RIT2: variants seen among roughly 807,000 people sequenced by gnomAD.
The protein encoded by RIT2 is Ras like without CAAX 2, also known as GTP-binding protein Rit2.
A neutral mutation model predicts 23.7 loss-of-function variants in RIT2; 24 were observed. The ratio of observed to expected loss-of-function variants is 1.01; its 90% CI spans 0.73 to 1.43. The LOEUF (loss-of-function observed/expected upper bound fraction) is 1.43, where lower values mean the gene tolerates loss of function less well. Among genes scored for constraint, RIT2 ranks in the 40% most tolerant of loss-of-function variants. RIT2 has a pLI of 0.00. For synonymous variants in RIT2, 107 were observed against 91.1 expected (o/e 1.17, Z -0.99); for missense variants, 236 against 266.9 (o/e 0.88, Z 0.81).
intron 3 of RIT2, among the ~76,000 whole-genome samples, chr18:42,928,794 A>T (rs1909248446): frequency 6.6e-6 from 1 of 151,808 alleles, no homozygotes; most frequent in South Asian, 2.1e-4. Flanking sequence ...ATGAGGTCAA[A>T]GATTATGCCT....
intron 1 of RIT2, among the ~76,000 whole-genome samples, chr18:43,094,433 A>G (rs1005453526): frequency 1.2e-4 from 18 of 152,048 alleles, no homozygotes; most frequent in African/African-American, 4.3e-4. Context: ...TGATAGCATC[A>G]TGGATTGTTA....
intron 1 of RIT2, among the ~76,000 whole-genome samples, chr18:43,087,543 G>A (rs1913315442): frequency 6.6e-6 from 1 of 152,218 alleles, no homozygotes; most frequent in African/African-American, 2.4e-5. Flanking sequence ...TTACCAAAAA[G>A]TGACAGTGTG....
chr18:42,808,731 G>A, intron 4 of RIT2, among the ~76,000 whole-genome samples: 1 of 151,970 alleles, frequency 6.6e-6, no homozygotes, highest in Non-Finnish European at 1.5e-5. Flanking sequence ...AAAAATGGTA[G>A]GACATGTAAT....
intron 2 of RIT2, among the ~76,000 whole-genome samples, chr18:43,032,925 A>T (rs543685598): frequency 6.6e-6 from 1 of 152,228 alleles, no homozygotes; most frequent in African/African-American, 2.4e-5. Flanking sequence ...AGATGATCTT[A>T]CCCATGGGTG....
chr18:42,845,828 A>G (rs1187830099), intron 4 of RIT2, among the ~76,000 whole-genome samples: 1 of 151,834 alleles, frequency 6.6e-6, no homozygotes, highest in Non-Finnish European at 1.5e-5. Flanking sequence ...AATCACAATT[A>G]AACTTAAAAA....
intron 4 of RIT2, among the ~76,000 whole-genome samples, chr18:42,906,146 T>C (rs965262022): frequency 6.6e-6 from 1 of 151,648 alleles, no homozygotes; most frequent in Non-Finnish European, 1.5e-5. Flanking sequence ...CAATTTTAAA[T>C]AGGCAGGGGA....
chr18:42,810,313 T>C (rs1344889691), intron 4 of RIT2, among the ~76,000 whole-genome samples: 1 of 151,780 alleles, frequency 6.6e-6, no homozygotes, highest in African/African-American at 2.4e-5. Flanking sequence ...GCCTTTATAG[T>C]ACAACTCCTC....
intron 2 of RIT2, among the ~76,000 whole-genome samples, chr18:43,019,810 T>C (rs1911555017): frequency 6.6e-6 from 1 of 152,016 alleles, no homozygotes; most frequent in Non-Finnish European, 1.5e-5. Context: ...TAGAATACAC[T>C]TAGATCTGAT....
At position 42,974,590 on chromosome 18, in the gene RIT2, A is replaced by G. The variant is rs1910437529; in HGVS notation, c.161-443T>C. 1.3e-5 allele frequency among the ~76,000 whole-genome samples: 2 copies of G among 152,058 alleles called. 1 individual carries two copies. The highest frequency in any genetic ancestry group is 2.9e-5 in the Non-Finnish European group (2 of 67,986). ...TCATAGCCAGAACAATTAGGCAAGA[A>G]GAAAAAATAAAATCATCCCAATTGG... On this transcript the variant is annotated intron_variant, in intron 2 of 4. Coordinates refer to ENST00000326695, the MANE Select transcript of RIT2 (RefSeq NM_002930.4).
chr18:42,905,752 C>T (rs553397762), intron 4 of RIT2, among the ~76,000 whole-genome samples: 118 of 151,720 alleles, frequency 7.8e-4, no homozygotes, highest in African/African-American at 2.5e-3. Context: ...GGATTACAGG[C>T]GTGAGCCACC....
chr18:42,856,804 G>A (rs1260071183), intron 4 of RIT2, among the ~76,000 whole-genome samples: 2 of 146,268 alleles, frequency 1.4e-5, no homozygotes, highest in African/African-American at 5.2e-5. Flanking sequence ...TCCTTGAGAA[G>A]TCTTTTTCTT....
intron 4 of RIT2, among the ~76,000 whole-genome samples, chr18:42,838,336 C>CA (rs5824454): frequency 0.14 from 21,956 of 152,036 alleles, 1,655 homozygotes; most frequent in Middle Eastern, 0.26. Flanking sequence ...CTTTATTCTG[C>CA]ATATCATTTT....
chr18:43,102,723 G>A (rs1405565506), intron 1 of RIT2, among the ~76,000 whole-genome samples: 4 of 151,508 alleles, frequency 2.6e-5, no homozygotes, highest in East Asian at 1.9e-4. Context: ...GCATGATCTC[G>A]GCTCACTGCA....
chr18:42,949,830 A>T (rs1174084182), intron 3 of RIT2, among the ~76,000 whole-genome samples: 3 of 152,114 alleles, frequency 2.0e-5, no homozygotes, highest in Non-Finnish European at 4.4e-5. Context: ...CTGAATCTTT[A>T]CCCCAATTGA....
chr18:42,870,725 G>T (rs1427244725), intron 4 of RIT2, among the ~76,000 whole-genome samples: 6 of 151,990 alleles, frequency 3.9e-5, no homozygotes, highest in Non-Finnish European at 8.8e-5. Context: ...CATGTGAAAG[G>T]TTTCCTATAA....
At chr18:43,017,194 T>C (rs572833738) in intron 2 of RIT2, among the ~76,000 whole-genome samples, 256 of 152,058 alleles carry the variant, frequency 1.7e-3, no homozygotes, top group Non-Finnish European at 3.3e-3. Context: ...TTACACAAAT[T>C]GGGAGAGGCA....
intron 4 of RIT2, among the ~76,000 whole-genome samples, chr18:42,759,712 TACACAC>T (rs59733922): frequency 0.54 from 71,386 of 131,296 alleles, 19,755 homozygotes; most frequent in Admixed American, 0.62. Context: ...GTGTTAAATC[TACACAC>T]ACACACACAC....
chr18:42,943,493 G>C (rs962571387), intron 3 of RIT2, among the ~76,000 whole-genome samples: 2 of 152,000 alleles, frequency 1.3e-5, no homozygotes, highest in Non-Finnish European at 2.9e-5. Context: ...CTTATTCCTT[G>C]ATTTATCCCA....
At chr18:42,830,127 T>C (rs1334167089) in intron 4 of RIT2, among the ~76,000 whole-genome samples, 1 of 152,186 alleles carries the variant, frequency 6.6e-6, no homozygotes. Flanking sequence ...CTCACCCTAA[T>C]GTAATGGGCA....
Sources: allele counts gnomAD v4.1 joint callset (sites outside exome capture counted in the v4.1 genomes callset), GRCh38; gene constraint gnomAD v4.1.1; transcripts MANE v1.5; gene names NCBI Gene and HGNC (gene_info 2026-07-23, HGNC 2026-07-21).